The following SCRG1 variants were observed in gnomAD, a reference collection of about 807,000 sequenced individuals.
SCRG1 encodes stimulator of chondrogenesis 1.
In SCRG1, 3 loss-of-function variants were observed where a neutral mutation model predicts 7.7. That is an observed-to-expected ratio of 0.39 (90% CI 0.18 to 1.01). SCRG1 has a LOEUF of 1.01. Ranked by LOEUF, SCRG1 falls within the 50% of genes least tolerant of loss-of-function variation. SCRG1 has a pLI of 0.36. For missense variants in SCRG1, 110 were observed against 117.2 expected (o/e 0.94, Z 0.28); for synonymous variants, 46 against 41.2 (o/e 1.12, Z -0.44).
the SCRG1 span, among the ~76,000 whole-genome samples, chr4:173,416,738 G>C: frequency 6.6e-6 from 1 of 152,150 alleles, no homozygotes; most frequent in South Asian, 2.1e-4. Context: ...TTCGTGTGAC[G>C]GCCTCTAGGA....
At chr4:173,468,387 C>G in the SCRG1 span, 2 of 152,168 alleles carry the variant, frequency 1.3e-5, no homozygotes, top group African/African-American at 2.4e-5. Context: ...TGTGTAAGTA[C>G]ACTCTGTGAT....
At chr4:173,492,825 T>C in the SCRG1 span, among the ~76,000 whole-genome samples, 1 of 152,242 alleles carries the variant, frequency 6.6e-6, no homozygotes, top group South Asian at 2.1e-4. Context: ...GATCAGAACC[T>C]AAACTGCATC....
the SCRG1 span, among the ~76,000 whole-genome samples, chr4:173,507,961 G>C: frequency 6.6e-6 from 1 of 152,208 alleles, no homozygotes; most frequent in African/African-American, 2.4e-5. This position sits in a 1 kb window ranked among gnomAD's most constrained non-coding sequence, Gnocchi z 4.4. Context: ...TGCGGCTCCC[G>C]GAGGCGCTGC....
chr4:173,391,051 G>T (rs1234484829), intron 2 of SCRG1, 122 bp downstream of exon 2: 6 of 955,266 alleles, frequency 6.3e-6, no homozygotes, highest in East Asian at 2.4e-5. Context: ...GAAAAGAGCT[G>T]GGATTGGAAC....
chr4:173,479,699 G>A, the SCRG1 span, among the ~76,000 whole-genome samples: 3 of 151,914 alleles, frequency 2.0e-5, no homozygotes, highest in Non-Finnish European at 2.9e-5. Context: ...CTCCGTCTTC[G>A]AAATTGCTGG....
At chr4:173,435,136 G>A in the SCRG1 span, among the ~76,000 whole-genome samples, 27 of 30,092 alleles carry the variant, frequency 9.0e-4, 1 homozygote, top group East Asian at 1.2e-3. Flanking sequence ...GTGTGTGTGT[G>A]TGTGTGTGTG....
the SCRG1 span, among the ~76,000 whole-genome samples, chr4:173,439,295 T>C: frequency 6.6e-6 from 1 of 152,144 alleles, no homozygotes; most frequent in East Asian, 1.9e-4. Flanking sequence ...GGGATGCCGC[T>C]GTGGAAGGAT....
At chr4:173,483,679 T>C in the SCRG1 span, among the ~76,000 whole-genome samples, 2 of 12,138 alleles carry the variant, frequency 1.6e-4, no homozygotes, top group African/African-American at 4.3e-4. Flanking sequence ...ATATATATGA[T>C]ATATTATATT....
At chr4:173,517,607 T>C in the SCRG1 span, among the ~76,000 whole-genome samples, 1 of 152,196 alleles carries the variant, frequency 6.6e-6, no homozygotes, top group Non-Finnish European at 1.5e-5. Flanking sequence ...GAAGAATCCT[T>C]GCGTGACCGG....
the SCRG1 span, among the ~76,000 whole-genome samples, chr4:173,442,216 G>T: frequency 6.6e-6 from 1 of 151,966 alleles, no homozygotes; most frequent in Non-Finnish European, 1.5e-5. Context: ...TAATCTTGTT[G>T]GGATCTCTGC....
upstream of SCRG1, among the ~76,000 whole-genome samples, chr4:173,403,788 C>T (rs938349496): frequency 1.1e-4 from 17 of 152,080 alleles, no homozygotes; most frequent in African/African-American, 3.9e-4. Context: ...GAATCACAGC[C>T]CAGAGCCTAG....
At chr4:173,470,396 C>T in the SCRG1 span, among the ~76,000 whole-genome samples, 7 of 152,148 alleles carry the variant, frequency 4.6e-5, no homozygotes, top group African/African-American at 7.2e-5. Flanking sequence ...TGACTGAGAC[C>T]GGCTCACAGG....
the SCRG1 span, among the ~76,000 whole-genome samples, chr4:173,484,571 T>G: frequency 1.1e-5 from 1 of 92,390 alleles, no homozygotes; most frequent in East Asian, 3.2e-4. Context: ...ATTATGTATA[T>G]TTTATATATT....
At chr4:173,421,806 A>C in the SCRG1 span, among the ~76,000 whole-genome samples, 1 of 152,170 alleles carries the variant, frequency 6.6e-6, no homozygotes, top group Non-Finnish European at 1.5e-5. Context: ...GAGGATGGGG[A>C]AGATCACTGT....
At chr4:173,503,162 C>A in the SCRG1 span, among the ~76,000 whole-genome samples, 2 of 152,204 alleles carry the variant, frequency 1.3e-5, no homozygotes, top group African/African-American at 4.8e-5. This position sits in a 1 kb window ranked among gnomAD's most constrained non-coding sequence, Gnocchi z 6.4. Flanking sequence ...GCCAGCTTGA[C>A]CCTGTGTCGT....
the SCRG1 span, among the ~76,000 whole-genome samples, chr4:173,440,766 A>G: frequency 6.6e-6 from 1 of 152,116 alleles, no homozygotes; most frequent in African/African-American, 2.4e-5. Flanking sequence ...TTCCCCTGAA[A>G]TCTCTAAGGA....
chr4:173,499,283 C>T, the SCRG1 span, among the ~76,000 whole-genome samples: 1 of 152,194 alleles, frequency 6.6e-6, no homozygotes, highest in Non-Finnish European at 1.5e-5. This position sits in a 1 kb window ranked among gnomAD's most constrained non-coding sequence, Gnocchi z 4.1. Context: ...GACACCTCCC[C>T]AGCTCCATCC....
chr4:173,485,145 A>C, the SCRG1 span, among the ~76,000 whole-genome samples: 4 of 11,444 alleles, frequency 3.5e-4, 1 homozygote, highest in Non-Finnish European at 8.3e-4. Flanking sequence ...TATTACATAT[A>C]ATGTAATATA....
upstream of SCRG1, among the ~76,000 whole-genome samples, chr4:173,408,946 G>T (rs1739979150): frequency 6.7e-6 from 1 of 149,468 alleles, no homozygotes; most frequent in South Asian, 2.1e-4. Flanking sequence ...GAGCCGAGAT[G>T]GCGCCGCCGC....
Sources: gnomAD v4.1 joint callset for allele counts (sites outside exome capture counted in the v4.1 genomes callset) on GRCh38, gnomAD v4.1.1 for gene constraint, Gnocchi (gnomAD v3.1) non-coding constraint, MANE v1.5 for transcripts, NCBI Gene and HGNC (gene_info 2026-07-23, HGNC 2026-07-21) for gene names.